Variants in EXOC6B observed in about 807,000 individuals in gnomAD.
EXOC6B encodes exocyst complex component 6B.
Under a neutral mutation model 113.5 loss-of-function variants are expected in EXOC6B, and 54 were observed. The observed-to-expected ratio is 0.48, with a 90% confidence interval of 0.38 to 0.60. EXOC6B has a LOEUF of 0.60. Among genes scored for constraint, EXOC6B ranks in the 20% least tolerant of loss-of-function variants. The pLI is 0.00. For synonymous variants in EXOC6B, 357 were observed against 339.0 expected, an observed-to-expected ratio of 1.05 and a Z score of -0.58; for missense variants, 797 against 977.5, an observed-to-expected ratio of 0.82 and a Z score of 2.46.
chr2:72,563,953 A>G (rs1704024431), intron 7 of EXOC6B, among the ~76,000 whole-genome samples: 1 of 152,144 alleles, frequency 6.6e-6, no homozygotes, highest in South Asian at 2.1e-4. Context: ...CTTCCCCCAA[A>G]AGGATTCAGA....
At chr2:72,451,200 T>C (rs1696892057) in intron 18 of EXOC6B, among the ~76,000 whole-genome samples, 1 of 152,204 alleles carries the variant, frequency 6.6e-6, no homozygotes, top group African/African-American at 2.4e-5. Flanking sequence ...GAATGCGTGC[T>C]CACAACTAGG....
intron 6 of EXOC6B, among the ~76,000 whole-genome samples, chr2:72,603,032 G>C (rs1441241378): frequency 8.0e-5 from 12 of 150,418 alleles, no homozygotes. Context: ...TGGGTGGGAG[G>C]GAAAGAAAAT....
intron 20 of EXOC6B, among the ~76,000 whole-genome samples, chr2:72,209,223 CAAAAAAAA>C (rs1170760516): frequency 1.6e-4 from 9 of 57,108 alleles, no homozygotes; most frequent in South Asian, 1.1e-3. Flanking sequence ...AACTCAGTCT[CAAAAAAAA>C]AAAAAAAAAA....
intron 18 of EXOC6B, among the ~76,000 whole-genome samples, chr2:72,396,613 T>A (rs1692740368): frequency 6.6e-6 from 1 of 152,074 alleles, no homozygotes; most frequent in Admixed American, 6.6e-5. Context: ...ACATCAAACA[T>A]CTATCCCCTG....
chr2:72,762,343 A>T (rs1682793568), intron 1 of EXOC6B, among the ~76,000 whole-genome samples: 1 of 152,098 alleles, frequency 6.6e-6, no homozygotes, highest in Non-Finnish European at 1.5e-5. Flanking sequence ...AAAATAAAGG[A>T]ATGTTCAGCA....
intron 1 of EXOC6B, among the ~76,000 whole-genome samples, chr2:72,803,494 T>C (rs930494316): frequency 2.6e-5 from 4 of 152,106 alleles, no homozygotes; most frequent in African/African-American, 9.7e-5. Context: ...ATTTACGAAA[T>C]TGTGAACAAA....
intron 19 of EXOC6B, among the ~76,000 whole-genome samples, chr2:72,372,872 C>T (rs1691121882): frequency 6.6e-6 from 1 of 151,940 alleles, no homozygotes; most frequent in African/African-American, 2.4e-5. Context: ...GGGAAAAAGA[C>T]AGTCTCTTCA....
intron 8 of EXOC6B, among the ~76,000 whole-genome samples, chr2:72,522,416 G>A (rs976688620): frequency 4.6e-5 from 7 of 151,988 alleles, no homozygotes; most frequent in Non-Finnish European, 8.8e-5. Context: ...ATTGGAAATA[G>A]TTTCTTTTTT....
chr2:72,585,355 TGG>T (rs1705491245), intron 6 of EXOC6B, among the ~76,000 whole-genome samples: 1 of 152,174 alleles, frequency 6.6e-6, no homozygotes, highest in African/African-American at 2.4e-5. Flanking sequence ...CCCAGCATTT[TGG>T]GAGGCCAAGG....
chr2:72,671,817 A>G (rs1451920269), intron 6 of EXOC6B, among the ~76,000 whole-genome samples: 1 of 145,540 alleles, frequency 6.9e-6, no homozygotes, highest in African/African-American at 2.5e-5. Flanking sequence ...GAAAGAAAGA[A>G]AGAAGAGAAA....
intron 8 of EXOC6B, among the ~76,000 whole-genome samples, chr2:72,541,603 G>C (rs1231764244): frequency 1.3e-5 from 2 of 152,094 alleles, no homozygotes; most frequent in African/African-American, 2.4e-5. Context: ...AGGTTTTCTT[G>C]CTTATCTGTG....
chr2:72,576,064 C>A (rs753189136), intron 6 of EXOC6B, among the ~76,000 whole-genome samples: 5 of 152,032 alleles, frequency 3.3e-5, no homozygotes, highest in Non-Finnish European at 7.4e-5. Flanking sequence ...TTATCTCTTA[C>A]AAGAAAATAC....
chr2:72,373,730 T>C (rs758471373), intron 19 of EXOC6B, among the ~76,000 whole-genome samples: 8 of 152,304 alleles, frequency 5.3e-5, no homozygotes, highest in South Asian at 2.1e-4. Context: ...TTAACTCTAG[T>C]TAAAATGTCT....
intron 19 of EXOC6B, among the ~76,000 whole-genome samples, chr2:72,360,930 C>CAAAAAAA (rs3063329): frequency 2.2e-5 from 2 of 91,138 alleles, no homozygotes; most frequent in African/African-American, 7.6e-5. Flanking sequence ...GACTCCATCT[C>CAAAAAAA]AAAAAAAAAA....
intron 16 of EXOC6B, among the ~76,000 whole-genome samples, chr2:72,482,803 T>C (rs1317576597): frequency 6.6e-6 from 1 of 152,182 alleles, no homozygotes; most frequent in Admixed American, 6.5e-5. Context: ...TAAGAAAAAG[T>C]GTACCTTCTA....
intron 20 of EXOC6B, among the ~76,000 whole-genome samples, chr2:72,210,657 C>T (rs1321762125): frequency 6.6e-6 from 1 of 152,200 alleles, no homozygotes; most frequent in Non-Finnish European, 1.5e-5. Flanking sequence ...GGCAGCTATC[C>T]CAAAGGGGGC....
At chr2:72,761,222 G>A (rs1319759654) in intron 1 of EXOC6B, among the ~76,000 whole-genome samples, 1 of 151,966 alleles carries the variant, frequency 6.6e-6, no homozygotes, top group East Asian at 1.9e-4. Flanking sequence ...ATATCTACCT[G>A]AGGCCTACTG....
rs1558732078 is a variant in EXOC6B at position 72,496,567 on chromosome 2, T to C, written c.1338-8A>G. The C allele has an allele frequency of 1.3e-6, 2 of 1,539,922 alleles. No individual in the cohort carries two copies. Among genetic ancestry groups the C allele is most frequent in the Non-Finnish European group, 1.8e-6 (2 of 1,125,470 alleles). On this transcript the variant is annotated splice_polypyrimidine_tract_variant and splice_region_variant and intron_variant, in intron 13 of 21. Transcript: ENST00000272427. ...TCAGAATCAAGTATGTTTCTATAAA[T>C]GGAAGGATAGACAAAGGGAAGGGAA...
intron 6 of EXOC6B, among the ~76,000 whole-genome samples, chr2:72,692,630 C>T (rs894015161): frequency 6.6e-6 from 1 of 152,072 alleles, no homozygotes; most frequent in African/African-American, 2.4e-5. Context: ...GAATTACAGC[C>T]GTGAGCCGCT....
Sources: allele counts gnomAD v4.1 joint callset (sites outside exome capture counted in the v4.1 genomes callset), GRCh38; gene constraint gnomAD v4.1.1; transcripts MANE v1.5; gene names NCBI Gene and HGNC (gene_info 2026-07-23, HGNC 2026-07-21).